The following ERG variants were observed in gnomAD, a reference collection of about 807,000 sequenced individuals.
ERG encodes transcriptional regulator ERG.
In ERG, 9 loss-of-function variants were observed where a neutral mutation model predicts 55.3. The ratio of observed to expected loss-of-function variants is 0.16; its 90% CI spans 0.10 to 0.28. The LOEUF is 0.28. ERG is among the 10% of genes least tolerant of loss of function. ERG has a pLI of 1.00. For synonymous variants in ERG, 223 were observed against 237.3 expected (o/e 0.94, Z 0.55); for missense variants, 434 against 631.6 (o/e 0.69, Z 3.35).
At chr21:38,513,178 CATAA>C (rs1296408046) in intron 2 of ERG, among the ~76,000 whole-genome samples, 2 of 151,566 alleles carry the variant, frequency 1.3e-5, no homozygotes, top group Non-Finnish European at 2.9e-5. Context: ...TTATAGAATA[CATAA>C]ATATATTAAT....
chr21:38,601,368 G>A (rs770549043), intron 1 of ERG, among the ~76,000 whole-genome samples: 6 of 151,968 alleles, frequency 3.9e-5, no homozygotes, highest in Non-Finnish European at 5.9e-5. Flanking sequence ...AAGGCAATGT[G>A]GTGAGTTAAC....
At chr21:38,553,956 T>C (rs889837789) in intron 2 of ERG, among the ~76,000 whole-genome samples, 1 of 149,412 alleles carries the variant, frequency 6.7e-6, no homozygotes, top group African/African-American at 2.4e-5. Flanking sequence ...ATATGCAGAA[T>C]CTATAAAAAA....
chr21:38,547,109 G>A lies in ERG; in HGVS notation c.-41+28553C>T, dbSNP rs78973936. On this transcript the variant is annotated intron_variant, in intron 2 of 8. Transcript: ENST00000398897. ...GGAAGAGTCCAAAAGATGTCTCAGG[G>A]AATGTCCCATAGCCATTGGCCTGGT... Among the ~76,000 whole-genome samples the A allele has an allele frequency of 3.9e-3, 598 of 152,280 alleles. 5 individuals carry two copies. The highest frequency in any genetic ancestry group is 0.014 in the African/African-American group (565 of 41,554).
At chr21:38,442,319 C>T (rs1045558180) in intron 2 of ERG, among the ~76,000 whole-genome samples, 1 of 152,060 alleles carries the variant, frequency 6.6e-6, no homozygotes, top group African/African-American at 2.4e-5. Context: ...GCTTGAACCC[C>T]GGGGGGTGGA....
intron 2 of ERG, among the ~76,000 whole-genome samples, chr21:38,571,519 T>C (rs115855960): frequency 6.6e-6 from 1 of 151,002 alleles, no homozygotes; most frequent in Admixed American, 6.6e-5. Flanking sequence ...TTAAAAAAAA[T>C]AAATAAAAAT....
chr21:38,604,190 C>CTTGCAG (rs1277663188), intron 1 of ERG, among the ~76,000 whole-genome samples: 1 of 149,978 alleles, frequency 6.7e-6, no homozygotes, highest in Non-Finnish European at 1.5e-5. Flanking sequence ...GGAGGCGGAG[C>CTTGCAG]TTGCAGTGAG....
chr21:38,595,229 T>C (rs1310854758), intron 1 of ERG, among the ~76,000 whole-genome samples: 1 of 152,072 alleles, frequency 6.6e-6, no homozygotes, highest in Admixed American at 6.5e-5. Context: ...GTTGGGAAGA[T>C]TCATGAGGCA....
At chr21:38,537,306 CA>C (rs1174068819) in intron 2 of ERG, among the ~76,000 whole-genome samples, 10 of 152,038 alleles carry the variant, frequency 6.6e-5, no homozygotes, top group African/African-American at 9.6e-5. Flanking sequence ...ATAAAAGAGA[CA>C]AATTTGCCTG....
At chr21:38,477,997 T>C (rs1333758132) in intron 1 of ERG, among the ~76,000 whole-genome samples, 3 of 152,250 alleles carry the variant, frequency 2.0e-5, no homozygotes, top group Non-Finnish European at 2.9e-5. Flanking sequence ...TAACATTCGA[T>C]CTTATCTCTC....
At chr21:38,630,518 A>T (rs1448161331) in intron 1 of ERG, among the ~76,000 whole-genome samples, 3 of 152,284 alleles carry the variant, frequency 2.0e-5, no homozygotes, top group South Asian at 4.1e-4. Flanking sequence ...CCCTTGAGGG[A>T]TACTTTCTGG....
chr21:38,539,631 T>G (rs1339632609), intron 2 of ERG, among the ~76,000 whole-genome samples: 1 of 152,180 alleles, frequency 6.6e-6, no homozygotes, highest in Non-Finnish European at 1.5e-5. Context: ...ATTGTTGTAT[T>G]TTTTAAGAGG....
At chr21:38,378,759 TAA>T (rs1987309111), downstream of ERG, among the ~76,000 whole-genome samples, 1 of 152,204 alleles carries the variant, frequency 6.6e-6, no homozygotes, top group Non-Finnish European at 1.5e-5. Context: ...AAATGCAACC[TAA>T]GATTGGGCAG....
intron 1 of ERG, among the ~76,000 whole-genome samples, chr21:38,462,372 AT>A (rs35801095): frequency 0.67 from 102,484 of 151,852 alleles, 35,276 homozygotes; most frequent in East Asian, 0.8. Flanking sequence ...CATATACACA[AT>A]TTTTTTTTAA....
At chr21:38,558,815 T>C (rs1342328656) in intron 2 of ERG, among the ~76,000 whole-genome samples, 1 of 152,100 alleles carries the variant, frequency 6.6e-6, no homozygotes, top group Non-Finnish European at 1.5e-5. Flanking sequence ...AAAGCCACAT[T>C]TAAGAGAAAT....
At chr21:38,437,682 C>T (rs2058803501) in intron 2 of ERG, among the ~76,000 whole-genome samples, 1 of 152,158 alleles carries the variant, frequency 6.6e-6, no homozygotes, top group South Asian at 2.1e-4. Flanking sequence ...GTACATTCCC[C>T]AAGCCTTGGC....
At chr21:38,613,417 A>G (rs930434520) in intron 1 of ERG, among the ~76,000 whole-genome samples, 10 of 152,180 alleles carry the variant, frequency 6.6e-5, no homozygotes, top group African/African-American at 2.4e-4. Flanking sequence ...CCCTGACCAC[A>G]TCGTAACTAC....
chr21:38,456,385 T>C (rs890033390), intron 1 of ERG, among the ~76,000 whole-genome samples: 1 of 152,134 alleles, frequency 6.6e-6, no homozygotes, highest in East Asian at 1.9e-4. Flanking sequence ...CTCTCTTGCA[T>C]GGGAATATGG....
At position 38,381,493 on chromosome 21, in the gene ERG, A is replaced by C. The variant is rs968239490; in HGVS notation, c.*1910T>G. ...AGTGCCCAGGTAACTCTGATGTAGC[A>C]GGACTAAAGCTGTCTACCTAGTGAG... On this transcript the variant is annotated 3_prime_UTR_variant, in exon 10 of 10. Transcript: ENST00000288319. 55 of 1,063,590 alleles carry C rather than the reference A, an allele frequency of 5.2e-5. No homozygotes were observed. Among genetic ancestry groups the C allele is most frequent in the Admixed American group, 3.2e-4 (6 of 18,646 alleles). 65.9% of individuals were successfully genotyped at this position (1,063,590 alleles called of 1,614,324 possible). A position where few individuals can be genotyped will look rare whatever the true frequency, so the allele number is the denominator to read the frequency against.
At chr21:38,639,823 T>G (rs1031837263) in intron 1 of ERG, among the ~76,000 whole-genome samples, 1 of 152,140 alleles carries the variant, frequency 6.6e-6, no homozygotes, top group Admixed American at 6.5e-5. Context: ...AAGCCATCAA[T>G]GTGAAGAACT....
Sources: gnomAD v4.1 joint callset for allele counts (sites outside exome capture counted in the v4.1 genomes callset) on GRCh38, gnomAD v4.1.1 for gene constraint, MANE v1.5 for transcripts, NCBI Gene and HGNC (gene_info 2026-07-23, HGNC 2026-07-21) for gene names.